The following PHKA2 variants were observed in gnomAD, a reference collection of about 807,000 sequenced individuals.
The protein encoded by PHKA2 is phosphorylase b kinase regulatory subunit alpha, liver isoform.
PHKA2 carries 31 observed loss-of-function variants against 102.0 expected under a neutral mutation model. The observed-to-expected ratio is 0.30, with a 90% confidence interval of 0.23 to 0.41. The LOEUF (loss-of-function observed/expected upper bound fraction) is 0.41, where lower values mean the gene tolerates loss of function less well. Among genes scored for constraint, PHKA2 ranks in the 10% least tolerant of loss-of-function variants. The pLI is 1.00. For synonymous variants in PHKA2, 455 were observed against 416.2 expected (o/e 1.09, Z -1.13); for missense variants, 858 against 1,023.1 (o/e 0.84, Z 2.20).
intron 25 of PHKA2, among the ~76,000 whole-genome samples, chrX:18,906,263 A>G (rs1293530339): frequency 8.9e-6 from 1 of 112,327 alleles, no homozygotes. Context: ...CTTTGAGGCT[A>G]TAATGGTAAA....
At position 18,974,092 on chromosome X, in the gene PHKA2, T is replaced by C. The variant is rs1367130939; in HGVS notation, c.78+9763A>G. On this transcript the variant is annotated intron_variant, in intron 1 of 32. Coordinates refer to ENST00000379942, the MANE Select transcript of PHKA2 (RefSeq NM_000292.3). ...TGCTCCTCTCTAAGGTCACCTGCAA[T>C]ATATATGCTACAATCTATCTGCTCT... Among the ~76,000 whole-genome samples the C allele has an allele frequency of 1.1e-4, 12 of 110,696 alleles. No individual in the cohort carries two copies. The Admixed American group carries it at 1.2e-3, about 11-fold the overall frequency.
intron 26 of PHKA2, among the ~76,000 whole-genome samples, chrX:18,905,464 C>T (rs1730303145): frequency 1.8e-5 from 2 of 111,858 alleles, no homozygotes; most frequent in African/African-American, 3.2e-5. Context: ...CGTTAGCCAC[C>T]GAGCCCAGCC....
At chrX:18,925,847 G>T in intron 14 of PHKA2, 70 bp from the exon 15 acceptor site, 1 of 711,023 alleles carries the variant, frequency 1.4e-6, no homozygotes, top group African/African-American at 2.1e-5. Flanking sequence ...GGCAACTCAG[G>T]CTAAGACTGA....
At chrX:18,943,172 A>T (rs1258462030) in intron 7 of PHKA2, among the ~76,000 whole-genome samples, 1 of 111,780 alleles carries the variant, frequency 8.9e-6, no homozygotes, top group Non-Finnish European at 1.9e-5. Flanking sequence ...CTAGCAATTG[A>T]TGACGTGCAC....
At position 18,931,806 on chromosome X, in the gene PHKA2, CTGACCATGGGGAATGCACTGAGGATTTA is replaced by C. The variant is rs762508238; in HGVS notation, c.1138-86_1138-59del. ...TCAGAGGATAAAATGGCCATGATAC[CTGACCATGGGGAATGCACTGAGGATTTA>C]TGAAATGGTACTCATCCTCCAGGCC... On this transcript the variant is annotated intron_variant, in intron 11 of 32. Transcript: ENST00000379942. 6.4e-4 allele frequency: 494 copies of C among 769,536 alleles called. 1 individual carries two copies. The highest frequency in any genetic ancestry group is 5.5e-4 in the Admixed American group (25 of 45,322). The allele number at this position is 769,536 out of a possible 1,213,427, so 63.4% of individuals were successfully genotyped here. A position where few individuals can be genotyped will look rare whatever the true frequency, so the allele number is the denominator to read the frequency against.
chrX:18,901,373 A>G (rs2047677713), intron 27 of PHKA2, 112 bp downstream of exon 27: 3 of 563,869 alleles, frequency 5.3e-6, no homozygotes, highest in South Asian at 4.6e-5. Context: ...GGGACCTCCC[A>G]CTCTACAGAC....
chrX:18,939,371 AC>A (rs1298468126), intron 9 of PHKA2, among the ~76,000 whole-genome samples: 7 of 110,631 alleles, frequency 6.3e-5, no homozygotes, highest in Admixed American at 9.6e-5. Flanking sequence ...TTTTGTAGAG[AC>A]AAGGTCTCAC....
At chrX:18,919,037 T>A (rs776900048) in intron 18 of PHKA2, among the ~76,000 whole-genome samples, 183 bp from the exon 19 acceptor site, 3 of 111,602 alleles carry the variant, frequency 2.7e-5, no homozygotes, top group Non-Finnish European at 5.6e-5. Flanking sequence ...AGATAATGTA[T>A]GTGTGTAGAA....
rs781027949 is a variant in PHKA2 at position 18,938,657 on chromosome X, T to A, written c.1011A>T (p.Ile337=). 3.2e-5 allele frequency: 38 copies of A among 1,202,179 alleles called. No individual in the cohort carries two copies. In the African/African-American group the frequency reaches 6.1e-4, roughly 19 times the overall value. Residue 337 remains isoleucine (I), a synonymous_variant, in exon 10 of 33, where the codon ATA becomes ATT. Transcript: ENST00000379942. The stretch of plus-strand genomic sequence containing the variant: ...CAGCATCACCACTGAAGACTCCATC[T>A]ATTATAAAATATGTCCAAAACACAG... The part of the protein sequence containing the change: ...EWPVFWTYFI[I]DGVFSGDAVQ...
At chrX:18,954,558 T>C (rs2048747189) in intron 1 of PHKA2, 146 bp from the exon 2 acceptor site, 1 of 507,591 alleles carries the variant, frequency 2.0e-6, no homozygotes, top group Non-Finnish European at 3.3e-6. Flanking sequence ...CCTAACAGTG[T>C]GATCTTGGGT....
intron 15 of PHKA2, among the ~76,000 whole-genome samples, chrX:18,924,852 G>A (rs1420963787): frequency 8.9e-6 from 1 of 112,135 alleles, no homozygotes; most frequent in Admixed American, 9.4e-5. Flanking sequence ...TCCTTCCAGG[G>A]CTATGGGTTC....
chrX:18,955,252 T>G (rs2048757476), intron 1 of PHKA2, among the ~76,000 whole-genome samples: 1 of 112,044 alleles, frequency 8.9e-6, no homozygotes, highest in Non-Finnish European at 1.9e-5. Flanking sequence ...AAAGGCTACA[T>G]AGTGTGTGAT....
At position 18,892,798 on chromosome X, in the gene PHKA2, G is replaced by A. The variant is rs1469712130; in HGVS notation, c.*687C>T. On this transcript the variant is annotated 3_prime_UTR_variant, in exon 33 of 33. Coordinates refer to ENST00000379942, the MANE Select transcript of PHKA2 (RefSeq NM_000292.3). Reference sequence around the variant, plus strand: ...AGATGCAGTATTTTTCCTAAGGCAGGAGAAAACCCTAGTTCATAGACAGCC... The same window carrying A: ...AGATGCAGTATTTTTCCTAAGGCAGAAGAAAACCCTAGTTCATAGACAGCC... 3 of 109,194 alleles carry A rather than the reference G, an allele frequency of 2.7e-5. No individual in the cohort carries two copies. The highest frequency in any genetic ancestry group is 5.7e-5 in the Non-Finnish European group (3 of 52,624). The allele number at this position is 109,194 out of a possible 1,213,427, so 9.0% of individuals were successfully genotyped here.
intron 27 of PHKA2, 108 bp from the exon 28 acceptor site, chrX:18,900,807 G>A (rs749770066): frequency 1.5e-6 from 1 of 658,652 alleles, no homozygotes; most frequent in South Asian, 2.3e-5. Context: ...CAAACCGCAG[G>A]GGGTGACCCA....
intron 30 of PHKA2, 186 bp from the exon 31 acceptor site, chrX:18,895,377 G>A: frequency 4.1e-6 from 2 of 485,469 alleles, no homozygotes; most frequent in South Asian, 2.7e-5. Flanking sequence ...CTGTGTTTTC[G>A]ATGGAACAAT....
Position 18,893,247 on chromosome X carries a change from G to A in PHKA2, c.*238C>T, listed in dbSNP as rs1299425807. Reference sequence around the variant, plus strand: ...GCTACAGCAAATGTTCCAGAGAAATGAACCTAGAAAATGATCCCGGGGTGC... The same window carrying A: ...GCTACAGCAAATGTTCCAGAGAAATAAACCTAGAAAATGATCCCGGGGTGC... On this transcript the variant is annotated 3_prime_UTR_variant, in exon 33 of 33. Transcript: ENST00000379942. 2 of 430,170 alleles carry A rather than the reference G, an allele frequency of 4.6e-6. No homozygotes were observed. Among genetic ancestry groups the A allele is most frequent in the African/African-American group, 5.0e-5 (2 of 40,236 alleles). The allele number at this position is 430,170 out of a possible 1,213,427, so 35.5% of individuals were successfully genotyped here.
At chrX:18,953,706 G>GCC (rs2048732280) in intron 2 of PHKA2, among the ~76,000 whole-genome samples, 1 of 112,319 alleles carries the variant, frequency 8.9e-6, no homozygotes, top group African/African-American at 3.2e-5. Flanking sequence ...TGTGGATGCA[G>GCC]CCAGGTGCGG....
chrX:18,956,061 C>A (rs961198588), intron 1 of PHKA2, among the ~76,000 whole-genome samples: 2 of 112,057 alleles, frequency 1.8e-5, no homozygotes, highest in Admixed American at 9.5e-5. Context: ...CGGTGGCTCA[C>A]GCCTGTAATC....
At chrX:18,918,147 C>T (rs1356367279) in intron 19 of PHKA2, among the ~76,000 whole-genome samples, 1 of 111,380 alleles carries the variant, frequency 9.0e-6, no homozygotes, top group Non-Finnish European at 1.9e-5. Context: ...GAGAGATTCA[C>T]CGATACGACT....
Sources: gnomAD v4.1 joint callset for allele counts (sites outside exome capture counted in the v4.1 genomes callset) on GRCh38, gnomAD v4.1.1 for gene constraint, MANE v1.5 for transcripts, NCBI Gene and HGNC (gene_info 2026-07-23, HGNC 2026-07-21) for gene names.